PIK3R1: variants seen among roughly 807,000 people sequenced by gnomAD.
PIK3R1 encodes phosphatidylinositol 3-kinase regulatory subunit alpha.
PIK3R1 carries 29 observed loss-of-function variants against 98.0 expected under a neutral mutation model. That is an observed-to-expected ratio of 0.30 (90% CI 0.22 to 0.40). The LOEUF is 0.40. PIK3R1 is among the 10% of genes least tolerant of loss of function. PIK3R1 has a pLI of 1.00. For missense variants in PIK3R1, 596 were observed against 872.7 expected (o/e 0.68, Z 3.99); for synonymous variants, 282 against 311.8 (o/e 0.90, Z 1.01).
intron 1 of PIK3R1, among the ~76,000 whole-genome samples, chr5:68,219,618 G>C (rs1022504789): frequency 6.6e-6 from 1 of 152,200 alleles, no homozygotes; most frequent in East Asian, 1.9e-4. Flanking sequence ...CTCTACCTCA[G>C]GTAAGGAGAG....
Position 68,261,503 on chromosome 5 carries a change from T to TA in PIK3R1, c.335-11877dup, listed in dbSNP as rs780975718. On this transcript the variant is annotated intron_variant, in intron 2 of 15. Coordinates refer to ENST00000521381, the MANE Select transcript of PIK3R1 (RefSeq NM_181523.3). Reference sequence around the variant, plus strand: ...ATAGGGGATTTAATCAATACTCTTTTAAAAAAAAAAGTCACAGAAAGAAAG... The same window carrying TA: ...ATAGGGGATTTAATCAATACTCTTTTAAAAAAAAAAAGTCACAGAAAGAAAG... Among the ~76,000 whole-genome samples the TA allele has an allele frequency of 1.9e-3, 277 of 149,140 alleles. 3 individuals carry two copies. Among genetic ancestry groups the TA allele is most frequent in the Admixed American group, 9.4e-3 (141 of 14,960 alleles).
intron 2 of PIK3R1, among the ~76,000 whole-genome samples, chr5:68,269,757 A>G (rs567047997): frequency 6.6e-6 from 1 of 152,338 alleles, no homozygotes; most frequent in East Asian, 1.9e-4. Context: ...TTGGAAGTAG[A>G]TGATATAAAC....
At chr5:68,261,798 AAGT>A (rs2112108122) in intron 2 of PIK3R1, among the ~76,000 whole-genome samples, 1 of 152,328 alleles carries the variant, frequency 6.6e-6, no homozygotes, top group South Asian at 2.1e-4. Context: ...GCAGATGAAA[AAGT>A]AGTTGACAGC....
chr5:68,293,059 A>ACTAAACCTTAAGATGAGCATTGTTTT (rs1386720309), intron 8 of PIK3R1, 42 bp from the exon 9 acceptor site: 8 of 1,482,788 alleles, frequency 5.4e-6, no homozygotes, highest in Non-Finnish European at 7.5e-6. Flanking sequence ...ATCTGTGGTC[A>ACTAAACCTTAAGATGAGCATTGTTTT]CTAAACCTTA....
intron 2 of PIK3R1, among the ~76,000 whole-genome samples, chr5:68,238,593 A>T (rs897763199): frequency 5.9e-5 from 9 of 152,330 alleles, no homozygotes; most frequent in African/African-American, 2.2e-4. Flanking sequence ...ATGTAATAGC[A>T]TATTAAAATT....
chr5:68,232,901 G>C (rs889087576), intron 2 of PIK3R1, among the ~76,000 whole-genome samples: 2 of 152,166 alleles, frequency 1.3e-5, no homozygotes, highest in Non-Finnish European at 2.9e-5. Context: ...TGGCAACTAA[G>C]TTAATGTTGA....
intron 2 of PIK3R1, among the ~76,000 whole-genome samples, chr5:68,259,752 A>T (rs13167294): frequency 1.3e-5 from 2 of 151,994 alleles, no homozygotes; most frequent in African/African-American, 4.8e-5. Context: ...TGTCCAAAGT[A>T]GTGCATTGAG....
intron 14 of PIK3R1, 166 bp downstream of exon 14, chr5:68,295,654 AAGCTT>A (rs1182062267): frequency 2.7e-5 from 17 of 635,466 alleles, no homozygotes; most frequent in Non-Finnish European, 4.2e-5. Flanking sequence ...TAAAAAAAGA[AAGCTT>A]AGCTAAGGAG....
At chr5:68,276,061 C>G (rs79248329) in intron 4 of PIK3R1, among the ~76,000 whole-genome samples, 12,392 of 152,272 alleles carry the variant, frequency 0.081, 650 homozygotes, top group Non-Finnish European at 0.11. Context: ...TTTTCTGACT[C>G]CAAAAGTCCT....
chr5:68,274,548 G>A (rs1053537898), intron 4 of PIK3R1, among the ~76,000 whole-genome samples: 1 of 151,976 alleles, frequency 6.6e-6, no homozygotes, highest in Non-Finnish European at 1.5e-5. Flanking sequence ...TATGTTCAGT[G>A]GTGTGCTGAT....
intron 2 of PIK3R1, among the ~76,000 whole-genome samples, chr5:68,235,165 G>A (rs1744616110): frequency 6.6e-6 from 1 of 152,064 alleles, no homozygotes; most frequent in Admixed American, 6.5e-5. Context: ...CATTTTGGGA[G>A]GCCAAGGTGG....
chr5:68,248,696 G>A (rs560875686), intron 2 of PIK3R1, among the ~76,000 whole-genome samples: 12 of 152,250 alleles, frequency 7.9e-5, no homozygotes, highest in African/African-American at 2.6e-4. Context: ...TGGGAACTAA[G>A]CACTGTAACA....
At chr5:68,238,455 A>G (rs1744746063) in intron 2 of PIK3R1, among the ~76,000 whole-genome samples, 1 of 152,150 alleles carries the variant, frequency 6.6e-6, no homozygotes, top group Admixed American at 6.5e-5. Context: ...TAGTATTTCC[A>G]CTTAGTATTA....
At chr5:68,283,970 A>G (rs1361154856) in intron 7 of PIK3R1, among the ~76,000 whole-genome samples, 3 of 152,224 alleles carry the variant, frequency 2.0e-5, no homozygotes, top group African/African-American at 7.2e-5. Flanking sequence ...AAGTCAGGGC[A>G]ATGTTTATAC....
At position 68,296,465 on chromosome 5, in the gene PIK3R1, A is replaced by C. The variant is rs3730073; in HGVS notation, c.1985+124A>C. ...TAGTCTTGAATAAGCTTACAGTACAATAATGTAGAAGAGAAACCAAAGCAG... is the reference window on the plus strand; with the variant it reads ...TAGTCTTGAATAAGCTTACAGTACACTAATGTAGAAGAGAAACCAAAGCAG... On this transcript the variant is annotated intron_variant, in intron 15 of 15. Transcript: ENST00000521381. 20,398 of 878,750 alleles carry C rather than the reference A, an allele frequency of 0.023. 382 individuals are homozygous for C. The highest frequency in any genetic ancestry group is 0.052 in the Middle Eastern group (175 of 3,340). The allele number at this position is 878,750 out of a possible 1,614,324, so 54.4% of individuals were successfully genotyped here. A position where few individuals can be genotyped will look rare whatever the true frequency, so the allele number is the denominator to read the frequency against.
In PIK3R1 at chr5:68,295,243, A is replaced by G; in HGVS notation, c.1664A>G (p.Glu555Gly). 1 of 1,614,166 alleles carries G rather than the reference A, an allele frequency of 6.2e-7. No individual in the cohort carries two copies. Among genetic ancestry groups the G allele is most frequent in the Non-Finnish European group, 8.5e-7 (1 of 1,179,994 alleles). The change falls in exon 13 of 16, where the codon GAG becomes GGG. Residue 555 changes from glutamate to glycine, a missense_variant. Coordinates refer to ENST00000521381, the MANE Select transcript of PIK3R1 (RefSeq NM_181523.3). Reference sequence around the variant, plus strand: ...GAAGACTTGAAGAAGCAGGCAGCTGAGTATCGAGAAATTGACAAACGTATG... The same window carrying G: ...GAAGACTTGAAGAAGCAGGCAGCTGGGTATCGAGAAATTGACAAACGTATG... ...LEEDLKKQAA[E>G]YREIDKRMNS...
chr5:68,267,625 G>A (rs1173377622), intron 2 of PIK3R1, among the ~76,000 whole-genome samples: 6 of 151,622 alleles, frequency 4.0e-5, no homozygotes, highest in Non-Finnish European at 5.9e-5. Flanking sequence ...TTTCAGTTGC[G>A]CATACTTTTT....
chr5:68,223,024 CTATATATATGACTA>C (rs1388802120), intron 1 of PIK3R1, among the ~76,000 whole-genome samples: 2 of 150,888 alleles, frequency 1.3e-5, no homozygotes, highest in African/African-American at 2.5e-5. Context: ...ACATATATGA[CTATATATATGACTA>C]TATATATATG....
chr5:68,286,249 G>GGT (rs1172844933), intron 7 of PIK3R1, among the ~76,000 whole-genome samples: 4 of 152,146 alleles, frequency 2.6e-5, no homozygotes, highest in Non-Finnish European at 4.4e-5. Context: ...GAATCCAGAA[G>GGT]GTAAAGTTAG....
Sources: allele counts gnomAD v4.1 joint callset (sites outside exome capture counted in the v4.1 genomes callset), GRCh38; gene constraint gnomAD v4.1.1; transcripts MANE v1.5; gene names NCBI Gene and HGNC (gene_info 2026-07-23, HGNC 2026-07-21).